EYS: variants seen among roughly 807,000 people sequenced by gnomAD.
EYS encodes the protein EGF-like photoreceptor maintenance factor.
EYS carries 250 observed loss-of-function variants against 282.1 expected under a neutral mutation model. That is an observed-to-expected ratio of 0.89 (90% confidence interval 0.80 to 0.98). EYS has a LOEUF of 0.98. EYS is among the 50% of genes least tolerant of loss of function. The probability of loss-of-function intolerance (pLI) is 0.00; values close to 1 mark genes in which losing one functional copy is unlikely to be tolerated. For synonymous variants in EYS, 1,355 were observed against 1,282.9 expected (o/e 1.06, Z -1.20); for missense variants, 4,016 against 3,709.0 (o/e 1.08, Z -2.15).
At chr6:64,641,413 G>C (rs1768149047) in intron 22 of EYS, among the ~76,000 whole-genome samples, 1 of 152,166 alleles carries the variant, frequency 6.6e-6, no homozygotes, top group Admixed American at 6.5e-5. Context: ...TGTGGACACA[G>C]CCAAACCATA....
At chr6:65,024,303 C>G (rs143566671) in intron 13 of EYS, among the ~76,000 whole-genome samples, 2 of 152,276 alleles carry the variant, frequency 1.3e-5, no homozygotes, top group African/African-American at 4.8e-5. Flanking sequence ...AACCTTACAA[C>G]TTAAAACACC....
intron 12 of EYS, among the ~76,000 whole-genome samples, chr6:65,178,820 T>A (rs1007465381): frequency 2.0e-5 from 3 of 152,022 alleles, no homozygotes; most frequent in Non-Finnish European, 4.4e-5. Flanking sequence ...AGTAAAGCAC[T>A]CCTCAGCAAA....
chr6:63,999,361 T>C (rs1767975491), intron 33 of EYS, among the ~76,000 whole-genome samples, 178 bp from the exon 34 acceptor site: 1 of 152,260 alleles, frequency 6.6e-6, no homozygotes. Flanking sequence ...ATGTATTTCT[T>C]TTCTAACACT....
intron 1 of EYS, among the ~76,000 whole-genome samples, chr6:65,704,025 A>G (rs183464082): frequency 5.1e-4 from 78 of 152,230 alleles, no homozygotes; most frequent in African/African-American, 1.8e-3. Flanking sequence ...GAGCCATGGA[A>G]GCAATATTAG....
At chr6:64,060,448 A>G (rs1386703774) in intron 33 of EYS, among the ~76,000 whole-genome samples, 1 of 152,144 alleles carries the variant, frequency 6.6e-6, no homozygotes, top group Non-Finnish European at 1.5e-5. Flanking sequence ...GAGAGCCTTT[A>G]ACAAATTAAA....
chr6:65,352,292 C>G lies in EYS; in HGVS notation c.1459+1166G>C, dbSNP rs539660408. On this transcript the variant is annotated intron_variant, in intron 9 of 42. Coordinates refer to ENST00000503581, the MANE Select transcript of EYS (RefSeq NM_001142800.2). ...CAGCTGCTGTTGGTTAGCTGTTACT[C>G]AAAAACAGACACATCAAACTGTTAA... is the stretch of plus-strand genomic sequence containing the variant. Among the ~76,000 whole-genome samples the G allele has an allele frequency of 2.0e-5, 3 of 151,928 alleles. No homozygotes were observed. The East Asian group carries it at 5.8e-4, about 29-fold the overall frequency.
intron 35 of EYS, among the ~76,000 whole-genome samples, chr6:63,946,240 A>T (rs1384052771): frequency 6.6e-6 from 1 of 152,174 alleles, no homozygotes; most frequent in Non-Finnish European, 1.5e-5. Flanking sequence ...ACAACTTAGG[A>T]CTTTTCACTG....
chr6:64,447,630 CA>C (rs1245820088), intron 26 of EYS, among the ~76,000 whole-genome samples: 6 of 151,532 alleles, frequency 4.0e-5, no homozygotes, highest in Non-Finnish European at 8.8e-5. Context: ...CATAAAATGC[CA>C]AAAAAAGTTT....
At chr6:64,542,528 C>T (rs1764720626) in intron 26 of EYS, among the ~76,000 whole-genome samples, 1 of 151,928 alleles carries the variant, frequency 6.6e-6, no homozygotes, top group Non-Finnish European at 1.5e-5. Flanking sequence ...AGATTTATTG[C>T]CAGATATTCT....
chr6:64,342,184 T>C (rs916828957), intron 29 of EYS, among the ~76,000 whole-genome samples: 9 of 151,646 alleles, frequency 5.9e-5, no homozygotes, highest in Non-Finnish European at 1.2e-4. Context: ...TCCTGTGTCA[T>C]TCATTGGTGG....
At chr6:64,659,507 A>G (rs1768906707) in intron 22 of EYS, among the ~76,000 whole-genome samples, 1 of 152,114 alleles carries the variant, frequency 6.6e-6, no homozygotes, top group South Asian at 2.1e-4. Context: ...ATAAAGAAGA[A>G]AAGAGAGAAG....
chr6:65,407,681 A>G (rs1378258365), intron 5 of EYS, among the ~76,000 whole-genome samples: 11 of 152,018 alleles, frequency 7.2e-5, no homozygotes, highest in Admixed American at 5.3e-4. Context: ...GATTTTCTAC[A>G]TATTAGATCA....
At chr6:65,255,057 C>T (rs746186835) in intron 12 of EYS, among the ~76,000 whole-genome samples, 14 of 151,498 alleles carry the variant, frequency 9.2e-5, no homozygotes, top group Non-Finnish European at 2.1e-4. Flanking sequence ...GCACAAAAGA[C>T]CCAGAATAGC....
chr6:64,714,232 C>G (rs1408469614), intron 22 of EYS, among the ~76,000 whole-genome samples: 2 of 151,998 alleles, frequency 1.3e-5, no homozygotes, highest in Non-Finnish European at 1.5e-5. Flanking sequence ...CAAAGAAAAC[C>G]TCATTGTTTT....
At position 64,225,495 on chromosome 6, in the gene EYS, A is replaced by G. The variant is rs1766228241; in HGVS notation, c.6424+5097T>C. Among the ~76,000 whole-genome samples the G allele has an allele frequency of 2.0e-5, 3 of 152,096 alleles. No individual in the cohort carries two copies. The South Asian group carries it at 6.2e-4, about 32-fold the overall frequency. ...GTGTAGTAAAGGGTGGTGTAAGAGT[A>G]TGTCTGAGAGATACAATATGAGAAA... On this transcript the variant is annotated intron_variant, in intron 31 of 42. Transcript: ENST00000503581.
At chr6:64,769,190 A>T (rs1164055239) in intron 22 of EYS, among the ~76,000 whole-genome samples, 4 of 152,076 alleles carry the variant, frequency 2.6e-5, no homozygotes, top group Non-Finnish European at 4.4e-5. Flanking sequence ...ACAGGCCTAA[A>T]TCATTTCTTT....
Position 64,388,731 on chromosome 6 carries a change from C to A in EYS, c.6037G>T (p.Val2013Phe). 6.5e-7 allele frequency: 1 copy of A among 1,543,562 alleles called. No individual in the cohort carries two copies. The highest frequency in any genetic ancestry group is 8.7e-7 in the Non-Finnish European group (1 of 1,143,222). Residue 2013 changes from valine (V) to phenylalanine (F), a missense_variant, in exon 29 of 43, where the codon GTC becomes TTC. Transcript: ENST00000503581. Reference sequence around the variant, plus strand: ...AGGTCTGGAAATCCACCAATGAAGACAGATCCTGATTTTGGCAGGGGTTTT... The same window carrying A: ...AGGTCTGGAAATCCACCAATGAAGAAAGATCCTGATTTTGGCAGGGGTTTT... ...LGKPLPKSGS[V>F]FIGGFPDLHG...
At chr6:63,789,574 G>A (rs1770455780) in intron 37 of EYS, among the ~76,000 whole-genome samples, 1 of 152,188 alleles carries the variant, frequency 6.6e-6, no homozygotes, top group African/African-American at 2.4e-5. Context: ...GAATTGCTCC[G>A]GTAGCTAACG....
At chr6:64,323,417 T>A (rs1264414057) in intron 29 of EYS, among the ~76,000 whole-genome samples, 1 of 152,152 alleles carries the variant, frequency 6.6e-6, no homozygotes, top group Non-Finnish European at 1.5e-5. Flanking sequence ...TATCTATACA[T>A]CGCTTGATTC....
Sources: gnomAD v4.1 joint callset for allele counts (sites outside exome capture counted in the v4.1 genomes callset) on GRCh38, gnomAD v4.1.1 for gene constraint, MANE v1.5 for transcripts, NCBI Gene and HGNC (gene_info 2026-07-23, HGNC 2026-07-21) for gene names.